Variants in SSH2 observed in about 807,000 individuals in gnomAD.
The protein encoded by SSH2 is slingshot protein phosphatase 2.
SSH2 carries 37 observed loss-of-function variants against 135.2 expected under a neutral mutation model. That is an observed-to-expected ratio of 0.27 (90% CI 0.21 to 0.36). SSH2 has a LOEUF of 0.36. SSH2 is among the 10% of genes least tolerant of loss of function. The pLI is 1.00. For missense variants in SSH2, 1,408 were observed against 1,765.3 expected, an observed-to-expected ratio of 0.80 and a Z score of 3.63; for synonymous variants, 628 against 646.2, an observed-to-expected ratio of 0.97 and a Z score of 0.43.
chr17:29,787,181 A>C (rs1321998158), intron 3 of SSH2, among the ~76,000 whole-genome samples: 1 of 152,190 alleles, frequency 6.6e-6, no homozygotes, highest in Non-Finnish European at 1.5e-5. Flanking sequence ...TTCTGTCCGC[A>C]TGAATTTGAT....
intron 2 of SSH2, 131 bp downstream of exon 2, chr17:29,848,718 A>G (rs1327353134): frequency 1.8e-6 from 1 of 549,688 alleles, no homozygotes; most frequent in East Asian, 3.0e-5. Context: ...TTGCCTTCCC[A>G]GACATTTGGC....
chr17:29,742,641 T>G (rs2151210493), intron 3 of SSH2, among the ~76,000 whole-genome samples: 2 of 151,116 alleles, frequency 1.3e-5, no homozygotes, highest in Admixed American at 1.3e-4. Flanking sequence ...GTTAGTTCAT[T>G]TTTTGTTTTT....
intron 3 of SSH2, among the ~76,000 whole-genome samples, chr17:29,731,575 C>G (rs1239392523): frequency 6.6e-6 from 1 of 152,024 alleles, no homozygotes; most frequent in African/African-American, 2.4e-5. Flanking sequence ...CGTGCCTCAG[C>G]CTCCTGAGTA....
At chr17:29,921,386 A>G (rs2066973365) in intron 1 of SSH2, among the ~76,000 whole-genome samples, 1 of 152,244 alleles carries the variant, frequency 6.6e-6, no homozygotes, top group Non-Finnish European at 1.5e-5. Flanking sequence ...TTTTTATACA[A>G]TGCTTGTAAA....
Position 29,636,786 on chromosome 17 carries a change from T to C in SSH2, c.1444A>G (p.Lys482Glu). 6.2e-7 allele frequency: 1 copy of C among 1,609,120 alleles called. No homozygotes were observed. Among genetic ancestry groups the C allele is most frequent in the Non-Finnish European group, 8.5e-7 (1 of 1,176,608 alleles). The stretch of plus-strand genomic sequence containing the variant: ...CTATCTGAATGAGATCTCCATAGTT[T>C]GTTATGCCGCTGTTTGCTGTGGAGG... ...ILLASKQRHN[K>E]LWRSHSDSDL... Residue 482 changes from lysine (K) to glutamate (E), a missense_variant, in exon 15 of 16, where the codon AAA becomes GAA. This residue lies in a region of SSH2 where 106 missense variants were observed against 265.2 expected (regional missense o/e 0.40). Coordinates refer to ENST00000540801, the MANE Select transcript of SSH2 (RefSeq NM_001282129.2).
chr17:29,927,024 C>G (rs1263138408), intron 1 of SSH2, among the ~76,000 whole-genome samples: 1 of 152,180 alleles, frequency 6.6e-6, no homozygotes, highest in Admixed American at 6.5e-5. Context: ...TCCTTAATAA[C>G]TCTGCCTCAG....
chr17:29,798,296 T>A (rs971896080), intron 2 of SSH2, among the ~76,000 whole-genome samples: 1 of 151,944 alleles, frequency 6.6e-6, no homozygotes, highest in Admixed American at 6.6e-5. Flanking sequence ...GCAGCTGAGA[T>A]TACAGGCGTG....
At chr17:29,861,217 C>T (rs892864016) in intron 1 of SSH2, among the ~76,000 whole-genome samples, 3 of 152,114 alleles carry the variant, frequency 2.0e-5, no homozygotes, top group African/African-American at 7.2e-5. Flanking sequence ...TGTGCAGAAG[C>T]TCTTTAGTTT....
chr17:29,642,484 C>T (rs2036203692), intron 14 of SSH2, among the ~76,000 whole-genome samples: 2 of 152,040 alleles, frequency 1.3e-5, no homozygotes, highest in Non-Finnish European at 2.9e-5. Flanking sequence ...CTGCCAGATA[C>T]CTGCATGATC....
intron 1 of SSH2, among the ~76,000 whole-genome samples, chr17:29,927,580 A>G (rs772142057): frequency 2.6e-5 from 4 of 152,186 alleles, no homozygotes; most frequent in Non-Finnish European, 4.4e-5. Context: ...TTTGCTCTCT[A>G]TTTTAAAACA....
chr17:29,686,819 C>T lies in SSH2; in HGVS notation c.358-2135G>A, dbSNP rs1451675921. On this transcript the variant is annotated intron_variant, in intron 5 of 15. Transcript: ENST00000540801. ...AAGTAACTGGGATTACAGGCACATGCCACCATGCCTGGCTAATTTTTGTAT... is the reference window on the plus strand; with the variant it reads ...AAGTAACTGGGATTACAGGCACATGTCACCATGCCTGGCTAATTTTTGTAT... Among the ~76,000 whole-genome samples the T allele has an allele frequency of 2.0e-5, 3 of 152,240 alleles. No homozygotes were observed. The Middle Eastern group carries it at 0.01, about 525-fold the overall frequency.
intron 9 of SSH2, among the ~76,000 whole-genome samples, chr17:29,667,608 G>A (rs2037333184): frequency 6.6e-6 from 1 of 152,166 alleles, no homozygotes; most frequent in African/African-American, 2.4e-5. Context: ...GTTTCATCAT[G>A]AAACCATCCC....
intron 3 of SSH2, among the ~76,000 whole-genome samples, chr17:29,733,123 T>G (rs533876151): frequency 3.3e-4 from 50 of 152,306 alleles, no homozygotes; most frequent in Admixed American, 2.8e-3. Context: ...GTTGACAGCT[T>G]CCTGGATCCA....
At chr17:29,771,070 C>T (rs1289164720) in intron 3 of SSH2, among the ~76,000 whole-genome samples, 3 of 152,176 alleles carry the variant, frequency 2.0e-5, no homozygotes, top group African/African-American at 7.2e-5. Context: ...AGGATTTGAA[C>T]CTACGTCTTC....
In SSH2 at chr17:29,631,858, C is replaced by A; in HGVS notation, c.3336G>T (p.Glu1112Asp). ...TTGGATGGTCAGTGGGTCTGTTGTGCTCAGGGGAGGAAGAATGAGGCAGAG... is the reference window on the plus strand; with the variant it reads ...TTGGATGGTCAGTGGGTCTGTTGTGATCAGGGGAGGAAGAATGAGGCAGAG... ...VLPLPHSSSP[E>D]HNRPTDHPTS... The change falls in exon 16 of 16, where the codon GAG becomes GAT. Residue 1112 changes from glutamate to aspartate, a missense_variant. By Grantham distance (45) the Glu-to-Asp change is conservative (BLOSUM62 2). Transcript: ENST00000540801. 1 of 1,614,204 alleles carries A rather than the reference C, an allele frequency of 6.2e-7. No homozygotes were observed. The highest frequency in any genetic ancestry group is 8.5e-7 in the Non-Finnish European group (1 of 1,180,028).
At chr17:29,875,689 G>A (rs916305445) in intron 1 of SSH2, among the ~76,000 whole-genome samples, 3 of 151,876 alleles carry the variant, frequency 2.0e-5, no homozygotes, top group African/African-American at 7.3e-5. Context: ...ATTATGATCC[G>A]GCCACATTGC....
intron 3 of SSH2, among the ~76,000 whole-genome samples, chr17:29,706,845 T>C (rs751021175): frequency 2.6e-5 from 4 of 152,168 alleles, no homozygotes; most frequent in Non-Finnish European, 5.9e-5. Flanking sequence ...AGTTTCTCTT[T>C]GACAAACACT....
intron 3 of SSH2, among the ~76,000 whole-genome samples, chr17:29,749,234 C>A (rs527502971): frequency 6.6e-6 from 1 of 152,124 alleles, no homozygotes; most frequent in African/African-American, 2.4e-5. Context: ...CATTAGAAGG[C>A]CTAACCAAAG....
intron 1 of SSH2, among the ~76,000 whole-genome samples, chr17:29,889,876 T>C (rs1363341496): frequency 6.7e-6 from 1 of 150,120 alleles, no homozygotes; most frequent in Admixed American, 6.6e-5. Flanking sequence ...GGAGGATGGC[T>C]TGAGCCCAGG....
Sources: allele counts gnomAD v4.1 joint callset (sites outside exome capture counted in the v4.1 genomes callset), GRCh38; gene constraint gnomAD v4.1.1; regional missense constraint gnomAD v4.1.1; transcripts MANE v1.5; gene names NCBI Gene and HGNC (gene_info 2026-07-23, HGNC 2026-07-21).